Variants in ABLIM1 observed in about 807,000 individuals in gnomAD.
ABLIM1 encodes actin-binding LIM protein 1.
A neutral mutation model predicts 107.0 loss-of-function variants in ABLIM1; 40 were observed. The observed-to-expected ratio is 0.37, with a 90% CI of 0.29 to 0.49. The LOEUF is 0.49. Ranked by LOEUF, ABLIM1 falls within the 20% of genes least tolerant of loss-of-function variation. The pLI is 0.97. For synonymous variants in ABLIM1, 357 were observed against 357.3 expected (o/e 1.00, Z 0.01); for missense variants, 857 against 1,008.5 (o/e 0.85, Z 2.04).
Position 114,645,200 on chromosome 10 carries a change from T to C in ABLIM1, c.244+12757A>G, listed in dbSNP as rs111826440. Among the ~76,000 whole-genome samples the C allele has an allele frequency of 4.6e-3, 697 of 152,224 alleles. 7 individuals carry two copies. The highest frequency in any genetic ancestry group is 0.016 in the African/African-American group (678 of 41,528). The stretch of plus-strand genomic sequence containing the variant: ...TGATTACTAGAAGCATCAAAATGCG[T>C]GAGTTAATGTACCTGAAAGCAGCTA... On this transcript the variant is annotated intron_variant, in intron 1 of 22. Transcript: ENST00000533213.
At chr10:114,565,788 C>CTTTTTTTTTTTTTTTTTT (rs577896964) in intron 4 of ABLIM1, among the ~76,000 whole-genome samples, 2 of 101,072 alleles carry the variant, frequency 2.0e-5, no homozygotes, top group Non-Finnish European at 3.9e-5. Context: ...GAAATGATTT[C>CTTTTTTTTTTTTTTTTTT]TTTTTTTTTT....
chr10:114,461,874 TAGA>T (rs1259954347), intron 12 of ABLIM1, among the ~76,000 whole-genome samples: 4 of 152,156 alleles, frequency 2.6e-5, no homozygotes, highest in African/African-American at 9.7e-5. Context: ...TCAAGAGTTT[TAGA>T]GAGTGTTGCA....
At chr10:114,602,659 T>C (rs1005958760) in intron 1 of ABLIM1, among the ~76,000 whole-genome samples, 4 of 152,320 alleles carry the variant, frequency 2.6e-5, no homozygotes, top group Non-Finnish European at 5.9e-5. Flanking sequence ...AGGAACAACA[T>C]GGATCTCTCT....
At chr10:114,623,909 C>G (rs1265598384) in intron 1 of ABLIM1, among the ~76,000 whole-genome samples, 1 of 152,210 alleles carries the variant, frequency 6.6e-6, no homozygotes, top group Non-Finnish European at 1.5e-5. Flanking sequence ...GTTCCACCCC[C>G]AGGGGACACT....
intron 1 of ABLIM1, among the ~76,000 whole-genome samples, chr10:114,757,541 CCT>C (rs1302632224): frequency 2.0e-5 from 3 of 152,080 alleles, no homozygotes; most frequent in African/African-American, 4.8e-5. Context: ...CTAAGATTCC[CCT>C]CTTTCTTCTA....
chr10:114,644,402 T>C (rs2078922680), intron 1 of ABLIM1, among the ~76,000 whole-genome samples: 1 of 148,482 alleles, frequency 6.7e-6, no homozygotes, highest in African/African-American at 2.5e-5. Flanking sequence ...CATGGGGTTT[T>C]ATTTCATATT....
At chr10:114,667,221 A>G (rs1566206575) in intron 1 of ABLIM1, among the ~76,000 whole-genome samples, 1 of 152,336 alleles carries the variant, frequency 6.6e-6, no homozygotes, top group East Asian at 1.9e-4. Context: ...TTTTAGAAGC[A>G]TTGGAAGTTT....
intron 1 of ABLIM1, among the ~76,000 whole-genome samples, chr10:114,710,894 A>C (rs893472540): frequency 3.9e-5 from 6 of 152,248 alleles, no homozygotes; most frequent in African/African-American, 1.4e-4. Flanking sequence ...CCATTCGATC[A>C]GTAGAAAAGG....
intron 8 of ABLIM1, among the ~76,000 whole-genome samples, chr10:114,487,014 T>C (rs1034230248): frequency 6.6e-6 from 1 of 152,194 alleles, no homozygotes; most frequent in Non-Finnish European, 1.5e-5. Context: ...ATGGGTCTCG[T>C]TGATAATCAT....
At chr10:114,621,519 T>G (rs778062331) in intron 1 of ABLIM1, among the ~76,000 whole-genome samples, 3 of 152,202 alleles carry the variant, frequency 2.0e-5, no homozygotes, top group Non-Finnish European at 2.9e-5. Flanking sequence ...GAATATAGGT[T>G]GAATCAAACA....
chr10:114,665,713 C>G (rs2079997544), intron 1 of ABLIM1, among the ~76,000 whole-genome samples: 1 of 152,194 alleles, frequency 6.6e-6, no homozygotes, highest in African/African-American at 2.4e-5. Flanking sequence ...CAGCCTCTCT[C>G]AGCGCTTGTT....
chr10:114,782,857 C>T, the ABLIM1 span, among the ~76,000 whole-genome samples: 190 of 151,990 alleles, frequency 1.3e-3, 2 homozygotes, highest in African/African-American at 4.3e-3. Flanking sequence ...CAGGATTTGC[C>T]GATGGATTAG....
At chr10:114,753,447 G>A (rs763320728) in intron 1 of ABLIM1, among the ~76,000 whole-genome samples, 68 of 152,252 alleles carry the variant, frequency 4.5e-4, no homozygotes, top group South Asian at 1.5e-3. Context: ...AAAAACAAAT[G>A]AGCAAAGATT....
chr10:114,481,392 C>A (rs772397209), intron 8 of ABLIM1, among the ~76,000 whole-genome samples: 4 of 150,798 alleles, frequency 2.7e-5, no homozygotes, highest in Non-Finnish European at 4.4e-5. Context: ...GCAACTAGAT[C>A]AGAATGATCT....
intron 1 of ABLIM1, among the ~76,000 whole-genome samples, chr10:114,624,073 G>A (rs189747449): frequency 7.2e-5 from 11 of 152,212 alleles, no homozygotes; most frequent in African/African-American, 2.4e-4. Flanking sequence ...CATACCTCTC[G>A]GTATGAGTCA....
chr10:114,574,711 G>A (rs2072242439), intron 3 of ABLIM1, among the ~76,000 whole-genome samples: 1 of 152,082 alleles, frequency 6.6e-6, no homozygotes, highest in African/African-American at 2.4e-5. Flanking sequence ...CAAAGTGCTG[G>A]GATTATAAGG....
intron 1 of ABLIM1, among the ~76,000 whole-genome samples, chr10:114,759,050 G>T (rs185879685): frequency 3.9e-5 from 6 of 152,114 alleles, no homozygotes; most frequent in Admixed American, 3.9e-4. Flanking sequence ...CAACATGATC[G>T]CCAATCAATC....
chr10:114,512,779 C>G (rs148626679), intron 6 of ABLIM1, among the ~76,000 whole-genome samples: 4,275 of 148,788 alleles, frequency 0.029, 217 homozygotes, highest in African/African-American at 0.1. Context: ...GAGCCGAGAT[C>G]GTGCCACTGC....
chr10:114,514,791 A>T (rs888339918), intron 6 of ABLIM1, among the ~76,000 whole-genome samples: 1 of 152,224 alleles, frequency 6.6e-6, no homozygotes, highest in South Asian at 2.1e-4. Flanking sequence ...ATTTAGCAGA[A>T]GTTAAGACTA....
Sources: allele counts gnomAD v4.1 joint callset (sites outside exome capture counted in the v4.1 genomes callset), GRCh38; gene constraint gnomAD v4.1.1; transcripts MANE v1.5; gene names NCBI Gene and HGNC (gene_info 2026-07-23, HGNC 2026-07-21).